SYNE3: variants seen among roughly 807,000 people sequenced by gnomAD.
SYNE3 encodes nesprin-3.
In SYNE3, 100 loss-of-function variants were observed where a neutral mutation model predicts 111.2. The ratio of observed to expected loss-of-function variants is 0.90; its 90% CI spans 0.77 to 1.06. The LOEUF is 1.06. SYNE3 is among the 50% of genes least tolerant of loss of function. The probability of loss-of-function intolerance (pLI) is 0.00; values close to 1 mark genes in which losing one functional copy is unlikely to be tolerated. For missense variants in SYNE3, 1,160 were observed against 1,240.3 expected (o/e 0.94, Z 0.97); for synonymous variants, 547 against 533.9 (o/e 1.02, Z -0.34).
chr14:95,409,782 T>C lies in SYNE3; in HGVS notation c.*8044A>G, dbSNP rs1321973376. 1 of 229,938 alleles carries C rather than the reference T, an allele frequency of 4.3e-6. No homozygotes were observed. The allele number at this position is 229,938 out of a possible 1,614,324, so 14.2% of individuals were successfully genotyped here. A position where few individuals can be genotyped will look rare whatever the true frequency, so the allele number is the denominator to read the frequency against. ...CAGCTGGTTTTAAGTCCTCTTTGAC[T>C]CTGGGCCTCTGCTGAAGCAGCCTGC... On this transcript the variant is annotated 3_prime_UTR_variant, in exon 18 of 18. Transcript: ENST00000682763.
chr14:95,481,104 G>A (rs1033123060), intron 1 of SYNE3, among the ~76,000 whole-genome samples: 2 of 152,202 alleles, frequency 1.3e-5, no homozygotes, highest in Non-Finnish European at 2.9e-5. Flanking sequence ...GCACAGGAGC[G>A]GCTGTTACCT....
intron 17 of SYNE3, among the ~76,000 whole-genome samples, chr14:95,431,536 T>A (rs1885761149): frequency 6.6e-6 from 1 of 152,220 alleles, no homozygotes; most frequent in African/African-American, 2.4e-5. Context: ...GCTGTTATTG[T>A]TATTGCTTCA....
intron 3 of SYNE3, among the ~76,000 whole-genome samples, chr14:95,466,637 T>C (rs982056588): frequency 1.3e-5 from 2 of 152,210 alleles, no homozygotes; most frequent in African/African-American, 2.4e-5. Context: ...ACTGGGGCTC[T>C]AAACACAGTT....
At chr14:95,484,475 C>T (rs1320120163) in intron 1 of SYNE3, among the ~76,000 whole-genome samples, 4 of 152,184 alleles carry the variant, frequency 2.6e-5, no homozygotes, top group South Asian at 2.1e-4. Flanking sequence ...TGGGCGGAGC[C>T]GGTCAGAGGG....
chr14:95,443,055 G>T, intron 11 of SYNE3, 100 bp downstream of exon 11: 1 of 1,437,174 alleles, frequency 7.0e-7, no homozygotes. Context: ...AGAGAGGTTA[G>T]AAGGAATGAA....
At chr14:95,430,104 G>T in intron 17 of SYNE3, 1 of 468,060 alleles carries the variant, frequency 2.1e-6, no homozygotes, top group Non-Finnish European at 2.8e-6. Context: ...CTGAGGCTGT[G>T]CTGGAGGGCT....
chr14:95,466,372 T>C (rs1264888204), intron 3 of SYNE3, 132 bp from the exon 4 acceptor site: 1 of 1,056,572 alleles, frequency 9.5e-7, no homozygotes, highest in African/African-American at 1.6e-5. Context: ...CTTTCTGGCC[T>C]CTGAGTCACC....
intron 1 of SYNE3, among the ~76,000 whole-genome samples, chr14:95,515,271 T>C (rs1595268908): frequency 6.6e-6 from 1 of 152,194 alleles, no homozygotes; most frequent in African/African-American, 2.4e-5. Context: ...CCGAGCACCG[T>C]CCGGCCTGAG....
Position 95,444,497 on chromosome 14 carries a change from G to A in SYNE3, c.1764C>T (p.Leu588=), listed in dbSNP as rs780775179. 273 of 1,611,762 alleles carry A rather than the reference G, an allele frequency of 1.7e-4. 1 individual carries two copies. The highest frequency in any genetic ancestry group is 2.2e-4 in the Non-Finnish European group (260 of 1,178,960). Residue 588 remains leucine (L), a synonymous_variant, in exon 10 of 18, where the codon CTC becomes CTT. Transcript: ENST00000682763. ...QRDLPGKQAQ[L]SRLQGLQEEG... ...ACAGACCCCTCACCTGCAACCTTGA[G>A]AGCTGGGCCTGTTTTCCAGGAAGGT...
chr14:95,441,045 G>C (rs977173109), intron 11 of SYNE3, among the ~76,000 whole-genome samples: 1 of 152,184 alleles, frequency 6.6e-6, no homozygotes, highest in Non-Finnish European at 1.5e-5. Context: ...TGGCCACCCA[G>C]CCTGAGACCC....
intron 17 of SYNE3, among the ~76,000 whole-genome samples, chr14:95,429,655 A>G (rs1885633693): frequency 6.6e-6 from 1 of 152,192 alleles, no homozygotes; most frequent in Admixed American, 6.5e-5. Flanking sequence ...AGATTTTTAC[A>G]CATCCAATTG....
chr14:95,507,127 TG>T (rs1271698248), intron 1 of SYNE3, among the ~76,000 whole-genome samples: 6 of 152,206 alleles, frequency 3.9e-5, no homozygotes, highest in Non-Finnish European at 8.8e-5. Context: ...ACTGTGCCTC[TG>T]GGCAAAATTT....
rs2139390304 is a variant in SYNE3, at chr14:95,439,087, T to C, written c.2322A>G (p.Pro774=). ...TGGGATTGATGAGAAATCCTGACTT[T>C]GGGATGTTGTTGGTGAAAACCATTT... ...GKKMVFTNNI[P]KSGFLINPMD... is the part of the protein sequence containing the mutation. The change falls in exon 14 of 18, where the codon CCA becomes CCG. Residue 774 remains proline, a synonymous_variant. Coordinates refer to ENST00000682763, the MANE Select transcript of SYNE3 (RefSeq NM_152592.6). 6.2e-7 allele frequency: 1 copy of C among 1,614,242 alleles called. No homozygotes were observed. Among genetic ancestry groups the C allele is most frequent in the Non-Finnish European group, 8.5e-7 (1 of 1,180,038 alleles).
At chr14:95,467,431 C>T (rs899821331) in intron 3 of SYNE3, among the ~76,000 whole-genome samples, 1 of 152,136 alleles carries the variant, frequency 6.6e-6, no homozygotes, top group Admixed American at 6.5e-5. Context: ...CTCCCCACCA[C>T]CCCCTGTCCC....
At chr14:95,435,575 G>C (rs893819059) in intron 15 of SYNE3, among the ~76,000 whole-genome samples, 2 of 152,038 alleles carry the variant, frequency 1.3e-5, no homozygotes, top group Admixed American at 6.6e-5. Flanking sequence ...AAGATTGTTA[G>C]TAGAAAAAAA....
At chr14:95,461,596 C>CA (rs1595219317) in intron 4 of SYNE3, among the ~76,000 whole-genome samples, 1 of 152,278 alleles carries the variant, frequency 6.6e-6, no homozygotes, top group South Asian at 2.1e-4. Flanking sequence ...TGATGGACGT[C>CA]AAAAATGGGT....
At chr14:95,469,603 T>G (rs973621857) in intron 2 of SYNE3, among the ~76,000 whole-genome samples, 12 of 151,428 alleles carry the variant, frequency 7.9e-5, no homozygotes, top group Non-Finnish European at 1.6e-4. Context: ...CCCAGCTACT[T>G]GGGAGGCTGA....
Position 95,432,066 on chromosome 14 carries a change from G to A in SYNE3, c.2727+13C>T. 1 of 1,610,712 alleles carries A rather than the reference G, an allele frequency of 6.2e-7. No individual in the cohort carries two copies. Among genetic ancestry groups the A allele is most frequent in the Non-Finnish European group, 8.5e-7 (1 of 1,178,362 alleles). On this transcript the variant is annotated intron_variant, in intron 17 of 17. Coordinates refer to ENST00000682763, the MANE Select transcript of SYNE3 (RefSeq NM_152592.6). Reference sequence around the variant, plus strand: ...GCCTGCTAGCCGTGTGGAGCAGATGGCAGACACTGTACCTTTTGGAATCCA... The same window carrying A: ...GCCTGCTAGCCGTGTGGAGCAGATGACAGACACTGTACCTTTTGGAATCCA...
intron 17 of SYNE3, among the ~76,000 whole-genome samples, chr14:95,425,503 A>C (rs887599379): frequency 1.3e-5 from 2 of 152,222 alleles, no homozygotes; most frequent in Non-Finnish European, 2.9e-5. Context: ...ATTCTTCTGC[A>C]ACATACTTTA....
Sources: allele counts gnomAD v4.1 joint callset (sites outside exome capture counted in the v4.1 genomes callset), GRCh38; gene constraint gnomAD v4.1.1; transcripts MANE v1.5; gene names NCBI Gene and HGNC (gene_info 2026-07-23, HGNC 2026-07-21).